GABRP: variants seen among roughly 807,000 people sequenced by gnomAD.
GABRP encodes the protein gamma-aminobutyric acid type A receptor subunit pi.
Under a neutral mutation model 47.8 loss-of-function variants are expected in GABRP, and 52 were observed. The observed-to-expected ratio is 1.09, with a 90% CI of 0.87 to 1.37. The LOEUF (loss-of-function observed/expected upper bound fraction) is 1.37, where lower values mean the gene tolerates loss of function less well. GABRP is among the 40% of genes most tolerant of loss of function. The pLI, the probability that GABRP is intolerant of heterozygous loss-of-function variation, is 0.00. For missense variants in GABRP, 525 were observed against 542.8 expected, an observed-to-expected ratio of 0.97 and a Z score of 0.33; for synonymous variants, 221 against 205.8, an observed-to-expected ratio of 1.07 and a Z score of -0.63.
At chr5:170,801,713 C>T (rs755021944) in intron 6 of GABRP, among the ~76,000 whole-genome samples, 97 of 152,090 alleles carry the variant, frequency 6.4e-4, no homozygotes, top group Non-Finnish European at 2.2e-4. Context: ...CATTAAATGA[C>T]GATTCTATGT....
chr5:170,808,990 G>A (rs1009644617), intron 8 of GABRP, among the ~76,000 whole-genome samples: 1 of 152,050 alleles, frequency 6.6e-6, no homozygotes, highest in Admixed American at 6.5e-5. Flanking sequence ...AGGTTGGAGT[G>A]GACTGGCGTG....
intron 7 of GABRP, among the ~76,000 whole-genome samples, chr5:170,807,744 T>C (rs2127265425): frequency 6.6e-6 from 1 of 152,268 alleles, no homozygotes; most frequent in East Asian, 1.9e-4. Context: ...TATTCTATAC[T>C]ATATTTATCC....
At chr5:170,789,036 A>ACACACACG in intron 2 of GABRP, 93 bp from the exon 3 acceptor site, 1 of 944,106 alleles carries the variant, frequency 1.1e-6, no homozygotes, top group Non-Finnish European at 1.7e-6. Flanking sequence ...ACATACACCC[A>ACACACACG]CACACACGTG....
chr5:170,788,783 C>G, intron 2 of GABRP, 115 bp downstream of exon 2: 1 of 950,680 alleles, frequency 1.1e-6, no homozygotes, highest in Non-Finnish European at 1.7e-6. Context: ...CCGGTCCACT[C>G]ACTTCCCTGG....
chr5:170,806,301 A>G (rs1302102397), intron 7 of GABRP, among the ~76,000 whole-genome samples: 1 of 152,206 alleles, frequency 6.6e-6, no homozygotes, highest in African/African-American at 2.4e-5. Context: ...CCAGAAATGC[A>G]TCTCTTGGTC....
chr5:170,791,545 T>C (rs1468429978), intron 3 of GABRP, among the ~76,000 whole-genome samples: 1 of 152,238 alleles, frequency 6.6e-6, no homozygotes, highest in Non-Finnish European at 1.5e-5. Context: ...AAAGCTGCCC[T>C]CTGGTGGCAC....
intron 7 of GABRP, among the ~76,000 whole-genome samples, chr5:170,807,929 G>A (rs949006323): frequency 6.6e-6 from 1 of 152,120 alleles, no homozygotes; most frequent in African/African-American, 2.4e-5. Flanking sequence ...ATCCACACCA[G>A]TGCTGGCCAC....
intron 1 of GABRP, among the ~76,000 whole-genome samples, chr5:170,787,613 A>G (rs1765159266): frequency 6.7e-6 from 1 of 149,974 alleles, no homozygotes; most frequent in Non-Finnish European, 1.5e-5. Flanking sequence ...GGAAGAGAGT[A>G]CCGGGGGGGA....
chr5:170,788,714 C>T, intron 2 of GABRP, 46 bp downstream of exon 2: 1 of 1,581,856 alleles, frequency 6.3e-7, no homozygotes. Flanking sequence ...CGTTGCTTTG[C>T]ATTCGGGCAT....
chr5:170,791,155 G>T (rs906048849), intron 3 of GABRP, among the ~76,000 whole-genome samples: 2 of 152,206 alleles, frequency 1.3e-5, no homozygotes, highest in African/African-American at 4.8e-5. Flanking sequence ...CAAGGTGCAG[G>T]GTCCTTGGGC....
chr5:170,787,158 T>C (rs1206658486), intron 1 of GABRP, among the ~76,000 whole-genome samples: 1 of 152,250 alleles, frequency 6.6e-6, no homozygotes, highest in African/African-American at 2.4e-5. Context: ...CTTATACTTT[T>C]AACTTCTGAC....
intron 1 of GABRP, chr5:170,788,364 T>TA (rs11306016): frequency 0.18 from 58,927 of 331,480 alleles, 1,953 homozygotes; most frequent in African/African-American, 0.3. Context: ...AATAAAAAAT[T>TA]AAAAAAAAAA....
chr5:170,805,031 T>C (rs1403065966), intron 6 of GABRP, among the ~76,000 whole-genome samples: 1 of 147,692 alleles, frequency 6.8e-6, no homozygotes, highest in Non-Finnish European at 1.5e-5. Flanking sequence ...AATATTTATA[T>C]ATTATATAGA....
chr5:170,788,917 A>G (rs2303132), intron 2 of GABRP, among the ~76,000 whole-genome samples: 3,546 of 152,222 alleles, frequency 0.023, 236 homozygotes, highest in East Asian at 0.15. Flanking sequence ...CCAAATTACC[A>G]TGATATTTTG....
At chr5:170,786,881 A>C (rs891405323) in intron 1 of GABRP, among the ~76,000 whole-genome samples, 2 of 152,222 alleles carry the variant, frequency 1.3e-5, no homozygotes, top group East Asian at 1.9e-4. Context: ...ATAGAGATAT[A>C]TATGTATGTA....
In GABRP at chr5:170,812,322, A is replaced by G. The variant is rs1581611691; in HGVS notation, c.*64A>G. 7.5e-7 allele frequency: 1 copy of G among 1,326,912 alleles called. No individual in the cohort carries two copies. The highest frequency in any genetic ancestry group is 1.1e-6 in the Non-Finnish European group (1 of 949,090). 82.2% of individuals were successfully genotyped at this position (1,326,912 alleles called of 1,614,324 possible). On this transcript the variant is annotated 3_prime_UTR_variant, in exon 10 of 10. Transcript: ENST00000265294. ...AGGACAAGATAATGATGTAAATGGT[A>G]TTTTAGGCCAAGTGTGCACCCACAT...
chr5:170,794,178 T>C, intron 3 of GABRP, 53 bp from the exon 4 acceptor site: 1 of 1,268,654 alleles, frequency 7.9e-7, no homozygotes, highest in South Asian at 1.3e-5. Context: ...TAATATAGTA[T>C]TAAGACAGCT....
At position 170,789,694 on chromosome 5, in the gene GABRP, G is replaced by A. The variant is rs572718115; in HGVS notation, c.172+447G>A. ...ATGTGTCCCAGCATGCTCGCGTAGA[G>A]TCCAGGCACACTAGGCCCTTCCCAG... is the stretch of plus-strand genomic sequence containing the variant. On this transcript the variant is annotated intron_variant, in intron 3 of 9. Transcript: ENST00000265294. 4.3e-4 allele frequency among the ~76,000 whole-genome samples: 65 copies of A among 152,204 alleles called. 1 individual carries two copies. The highest frequency in any genetic ancestry group is 2.7e-3 in the South Asian group (13 of 4,812).
intron 2 of GABRP, 147 bp downstream of exon 2, chr5:170,788,815 CT>C (rs1267409562): frequency 1.4e-6 from 1 of 737,132 alleles, no homozygotes; most frequent in Non-Finnish European, 2.4e-6. Context: ...ATGAAACTTC[CT>C]GCCATTTACT....
Sources: gnomAD v4.1 joint callset for allele counts (sites outside exome capture counted in the v4.1 genomes callset) on GRCh38, gnomAD v4.1.1 for gene constraint, MANE v1.5 for transcripts, NCBI Gene and HGNC (gene_info 2026-07-23, HGNC 2026-07-21) for gene names.